GRIN2D: variants seen among roughly 807,000 people sequenced by gnomAD.
GRIN2D encodes glutamate ionotropic receptor NMDA type subunit 2D.
In GRIN2D, 37 loss-of-function variants were observed where a neutral mutation model predicts 103.2. The observed-to-expected ratio is 0.36, with a 90% CI of 0.28 to 0.47. The LOEUF (loss-of-function observed/expected upper bound fraction) is 0.47, where lower values mean the gene tolerates loss of function less well. GRIN2D is among the 20% of genes least tolerant of loss of function. GRIN2D has a pLI of 1.00. For synonymous variants in GRIN2D, 845 were observed against 885.6 expected (o/e 0.95, Z 0.81); for missense variants, 1,557 against 1,910.6 (o/e 0.81, Z 3.45).
At position 48,442,756 on chromosome 19, in the gene GRIN2D, C is replaced by T. The variant is rs1320288370; in HGVS notation, c.2830C>T (p.Arg944Cys). 1 of 1,083,372 alleles carries T rather than the reference C, an allele frequency of 9.2e-7. No homozygotes were observed. The highest frequency in any genetic ancestry group is 1.1e-6 in the Non-Finnish European group (1 of 893,842). The allele number at this position is 1,083,372 out of a possible 1,614,324, so 67.1% of individuals were successfully genotyped here. ...PRERASVDRW[R>C]RTKGAGPPGG... is the part of the protein sequence containing the mutation. ...CGAGCGCGCCTCAGTGGACCGCTGGCGCCGGACCAAGGGCGCGGGGCCGCC... is the reference window on the plus strand; with the variant it reads ...CGAGCGCGCCTCAGTGGACCGCTGGTGCCGGACCAAGGGCGCGGGGCCGCC... The change falls in exon 14 of 14, where the codon CGC becomes TGC. Residue 944 changes from arginine (R) to cysteine (C), a missense_variant. Physicochemically the swap from Arg to Cys is radical, Grantham distance 180. Around this residue, in one of 7 missense-constraint regions of GRIN2D, gnomAD observed 632 missense variants for 572.8 expected, o/e 1.10. Coordinates refer to ENST00000263269, the MANE Select transcript of GRIN2D (RefSeq NM_000836.4). This position sits in a 1 kb window ranked among gnomAD's most constrained non-coding sequence, Gnocchi z 7.2.
Position 48,421,912 on chromosome 19 carries a change from G to GC in GRIN2D, c.2220dup (p.Val741ArgfsTer74). The GC allele has an allele frequency of 6.2e-7, 1 of 1,614,122 alleles. No individual in the cohort carries two copies. The highest frequency in any genetic ancestry group is 8.5e-7 in the Non-Finnish European group (1 of 1,180,002). ...TACATGGTGCGCTACAACCAGCCCCGCGTAGAGGAAGCGCTCACTCAGCTC... is the reference window on the plus strand; with the variant it reads ...TACATGGTGCGCTACAACCAGCCCCGCCGTAGAGGAAGCGCTCACTCAGCTC... On this transcript the variant is annotated frameshift_variant, in exon 11 of 14. Coordinates refer to ENST00000263269, the MANE Select transcript of GRIN2D (RefSeq NM_000836.4). LOFTEE classifies it high-confidence loss of function. This position sits in a 1 kb window ranked among gnomAD's most constrained non-coding sequence, Gnocchi z 4.8.
intron 3 of GRIN2D, among the ~76,000 whole-genome samples, 171 bp from the exon 4 acceptor site, chr19:48,404,563 C>T (rs1240396566): frequency 6.6e-6 from 1 of 152,150 alleles, no homozygotes; most frequent in East Asian, 1.9e-4. Context: ...TAACTCATCA[C>T]GTGGCTAAAC....
chr19:48,402,165 A>AC (rs1569059132), intron 3 of GRIN2D, among the ~76,000 whole-genome samples: 2 of 62,190 alleles, frequency 3.2e-5, no homozygotes, highest in African/African-American at 1.5e-4. Context: ...AGAAAGAAAG[A>AC]AAGAGAGAAA....
At chr19:48,402,169 A>AAAGAAAGG (rs1461423265) in intron 3 of GRIN2D, among the ~76,000 whole-genome samples, 3 of 148,304 alleles carry the variant, frequency 2.0e-5, no homozygotes, top group Admixed American at 6.8e-5. Flanking sequence ...AGAAAGAAAG[A>AAAGAAAGG]GAGAAAAGAA....
intron 4 of GRIN2D, among the ~76,000 whole-genome samples, chr19:48,412,283 C>T (rs1432430871): frequency 1.3e-5 from 2 of 150,384 alleles, no homozygotes; most frequent in East Asian, 2.0e-4. Flanking sequence ...GAGCCAAGAT[C>T]GCACCACTAC....
intron 3 of GRIN2D, among the ~76,000 whole-genome samples, chr19:48,401,626 G>A (rs1221842610): frequency 6.6e-6 from 1 of 152,222 alleles, no homozygotes; most frequent in Non-Finnish European, 1.5e-5. Flanking sequence ...AGGAGATGAG[G>A]TCAGAGAAGC....
At chr19:48,440,121 G>T (rs1325429268) in intron 11 of GRIN2D, among the ~76,000 whole-genome samples, 1 of 152,168 alleles carries the variant, frequency 6.6e-6, no homozygotes, top group Non-Finnish European at 1.5e-5. Context: ...TGAGGCAGGA[G>T]AATCCCTTGA....
At chr19:48,416,243 T>G (rs1436339238) in intron 8 of GRIN2D, 88 bp downstream of exon 8, 3 of 1,221,126 alleles carry the variant, frequency 2.5e-6, no homozygotes, top group Non-Finnish European at 3.5e-6. Context: ...AAACCTGGGT[T>G]CCCGGTATCA....
chr19:48,397,875 CT>C (rs1970661690), intron 2 of GRIN2D, among the ~76,000 whole-genome samples: 2 of 152,000 alleles, frequency 1.3e-5, no homozygotes, highest in Non-Finnish European at 2.9e-5. Flanking sequence ...GTATCTTCCC[CT>C]GACCCCATTA....
intron 4 of GRIN2D, among the ~76,000 whole-genome samples, chr19:48,413,523 A>T (rs1442407196): frequency 6.6e-6 from 1 of 151,622 alleles, no homozygotes; most frequent in Admixed American, 6.6e-5. Context: ...TTAGCCAAGC[A>T]TGGTGGTGCA....
chr19:48,395,879 G>A (rs376420732), intron 2 of GRIN2D, among the ~76,000 whole-genome samples: 5 of 152,064 alleles, frequency 3.3e-5, no homozygotes, highest in African/African-American at 4.8e-5. Context: ...TTCCTGCAGG[G>A]AGAGGAGGCT....
Position 48,442,990 on chromosome 19 carries a change from GGCGCCTT to G in GRIN2D, c.3065_3071del (p.Gly1022AlafsTer494). On this transcript the variant is annotated frameshift_variant, in exon 14 of 14. Coordinates refer to ENST00000263269, the MANE Select transcript of GRIN2D (RefSeq NM_000836.4). LOFTEE classifies it high-confidence loss of function. The surrounding 1 kb of genome is among the most constrained non-coding windows in gnomAD (Gnocchi z 7.2). ...CAAGGAGCCAGCCGAGCCCCCCGCC[GGCGCCTT>G]CCCCGGCTTCCCGTCGCCGCCCGCG... The G allele has an allele frequency of 9.0e-7, 1 of 1,107,782 alleles. No individual in the cohort carries two copies. Among genetic ancestry groups the G allele is most frequent in the Non-Finnish European group, 1.1e-6 (1 of 904,366 alleles). 68.6% of individuals were successfully genotyped at this position (1,107,782 alleles called of 1,614,324 possible).
chr19:48,413,893 G>T, intron 4 of GRIN2D, 98 bp from the exon 5 acceptor site: 1 of 720,946 alleles, frequency 1.4e-6, no homozygotes, highest in Non-Finnish European at 2.6e-6. Flanking sequence ...TTCCAGCTGG[G>T]GGCTGGGGCT....
intron 11 of GRIN2D, among the ~76,000 whole-genome samples, chr19:48,429,893 C>G (rs1409201446): frequency 6.6e-6 from 1 of 152,064 alleles, no homozygotes; most frequent in Non-Finnish European, 1.5e-5. Context: ...ATGGCACCCT[C>G]CATTTCTCTC....
chr19:48,438,044 CCTGT>C (rs1381415248), intron 11 of GRIN2D, among the ~76,000 whole-genome samples: 1 of 152,052 alleles, frequency 6.6e-6, no homozygotes, highest in East Asian at 1.9e-4. Context: ...GGATCCACTT[CCTGT>C]CTGTTTCCCC....
In GRIN2D at chr19:48,405,217, G is replaced by T. The variant is rs1323262437; in HGVS notation, c.949G>T (p.Ala317Ser). The T allele has an allele frequency of 3.1e-6, 5 of 1,602,046 alleles. No individual in the cohort carries two copies. The South Asian group carries it at 5.5e-5, about 18-fold the overall frequency. The change falls in exon 4 of 14, where the codon GCT (alanine) becomes TCT (serine). Residue 317 changes from alanine to serine, a missense_variant. Coordinates refer to ENST00000263269, the MANE Select transcript of GRIN2D (RefSeq NM_000836.4). This position sits in a 1 kb window ranked among gnomAD's most constrained non-coding sequence, Gnocchi z 5.1. Reference protein sequence around the residue: ...VRSAGWRDDLARRVAAGVAVV... With the variant: ...VRSAGWRDDLSRRVAAGVAVV... ...CTCGGCTGGCTGGCGGGATGACCTG[G>T]CTCGGCGAGTGGCAGCTGGCGTGGC...
intron 4 of GRIN2D, among the ~76,000 whole-genome samples, chr19:48,407,458 T>C (rs563290819): frequency 3.9e-5 from 6 of 152,246 alleles, no homozygotes; most frequent in African/African-American, 1.2e-4. Context: ...CCAGATCTCA[T>C]AGCAAAATGT....
chr19:48,394,082 C>T lies in GRIN2D; in HGVS notation c.-306+214C>T, dbSNP rs1432331277. On this transcript the variant is annotated intron_variant, in intron 1 of 13. Coordinates refer to ENST00000263269, the MANE Select transcript of GRIN2D (RefSeq NM_000836.4). The surrounding 1 kb of genome is among the most constrained non-coding windows in gnomAD (Gnocchi z 5.1). Reference sequence around the variant, plus strand: ...GGGTTCTGTGCCTCCTGCCTGCGTCCGGCCAGGCGTCTGGGCGTCCCCGGC... The same window carrying T: ...GGGTTCTGTGCCTCCTGCCTGCGTCTGGCCAGGCGTCTGGGCGTCCCCGGC... 3.9e-5 allele frequency among the ~76,000 whole-genome samples: 6 copies of T among 152,108 alleles called. No homozygotes were observed. The highest frequency in any genetic ancestry group is 1.4e-4 in the African/African-American group (6 of 41,430).
chr19:48,427,325 C>T (rs1247995404), intron 11 of GRIN2D, among the ~76,000 whole-genome samples: 3 of 151,104 alleles, frequency 2.0e-5, no homozygotes, highest in Non-Finnish European at 4.4e-5. Flanking sequence ...CCTCTCAAAA[C>T]AACAAAACAA....
Sources: allele counts gnomAD v4.1 joint callset (sites outside exome capture counted in the v4.1 genomes callset), GRCh38; gene constraint gnomAD v4.1.1; regional missense constraint gnomAD v4.1.1; non-coding constraint Gnocchi (gnomAD v3.1); transcripts MANE v1.5; gene names NCBI Gene and HGNC (gene_info 2026-07-23, HGNC 2026-07-21).